Variants in PPRC1 observed in about 807,000 individuals in gnomAD.
The protein encoded by PPRC1 is peroxisome proliferator-activated receptor gamma coactivator-related protein 1.
Under a neutral mutation model 132.5 loss-of-function variants are expected in PPRC1, and 23 were observed. The observed-to-expected ratio is 0.17, with a 90% CI of 0.12 to 0.25. The LOEUF (loss-of-function observed/expected upper bound fraction) is 0.25, where lower values mean the gene tolerates loss of function less well. Among genes scored for constraint, PPRC1 ranks in the 10% least tolerant of loss-of-function variants. The pLI is 1.00. For synonymous variants in PPRC1, 872 were observed against 833.5 expected (o/e 1.05, Z -0.80); for missense variants, 2,006 against 2,089.1 (o/e 0.96, Z 0.78).
the PPRC1 span, among the ~76,000 whole-genome samples, chr10:102,124,307 C>T: frequency 6.6e-6 from 1 of 151,782 alleles, no homozygotes; most frequent in Non-Finnish European, 1.5e-5. Flanking sequence ...TTGTGATCTG[C>T]CTGCCTTGGC....
chr10:102,134,656 T>C (rs1447158781), intron 1 of PPRC1, among the ~76,000 whole-genome samples: 2 of 152,156 alleles, frequency 1.3e-5, no homozygotes, highest in Non-Finnish European at 2.9e-5. Context: ...GCTGATCCCT[T>C]CTCCCCTACT....
the PPRC1 span, among the ~76,000 whole-genome samples, chr10:102,122,466 T>TC: frequency 2.0e-4 from 31 of 151,246 alleles, no homozygotes; most frequent in South Asian, 1.0e-3. Context: ...TCTGCCCTTT[T>TC]TTTTTTTTTT....
intron 1 of PPRC1, among the ~76,000 whole-genome samples, chr10:102,134,803 A>G (rs1297048156): frequency 6.6e-6 from 1 of 152,198 alleles, no homozygotes; most frequent in Non-Finnish European, 1.5e-5. Context: ...AGTCAGAGAC[A>G]CACCCTCACA....
Position 102,139,756 on chromosome 10 carries a change from G to A in PPRC1, c.1248G>A (p.Leu416=), listed in dbSNP as rs1428507571. The part of the protein sequence containing the change: ...TLCSEKEGLS[L]NSEEKLDSAC... ...GCTCTGAGAAAGAGGGGTTGTCATT[G>A]AACTCAGAGGAGAAGCTGGACTCAG... The change falls in exon 5 of 14, where the codon TTG becomes TTA. Residue 416 remains leucine (L), a synonymous_variant. Transcript: ENST00000278070. 6.2e-7 allele frequency: 1 copy of A among 1,614,174 alleles called. No homozygotes were observed. The highest frequency in any genetic ancestry group is 8.5e-7 in the Non-Finnish European group (1 of 1,180,038).
chr10:102,144,967 A>T, intron 7 of PPRC1, 53 bp from the exon 8 acceptor site: 1 of 1,404,288 alleles, frequency 7.1e-7, no homozygotes, highest in Non-Finnish European at 9.8e-7. Flanking sequence ...AGGCAAATGT[A>T]TAAGATATTG....
At position 102,141,208 on chromosome 10, in the gene PPRC1, T is replaced by G. The variant is rs1344512644; in HGVS notation, c.2700T>G (p.Pro900=). The change falls in exon 5 of 14, where the codon CCT becomes CCG. Residue 900 remains proline, a synonymous_variant. Transcript: ENST00000278070. ...PSLPPPPLQP[P]SLPLSMGPVL... ...TGCCCCCACCTCCCTTGCAGCCTCC[T>G]AGTCTTCCATTGTCTATGGGGCCAG... is the stretch of plus-strand genomic sequence containing the variant. 9.9e-6 allele frequency: 16 copies of G among 1,613,674 alleles called. No homozygotes were observed. The highest frequency in any genetic ancestry group is 1.3e-5 in the Non-Finnish European group (15 of 1,179,872).
At chr10:102,134,000 A>G (rs1387037386) in intron 1 of PPRC1, among the ~76,000 whole-genome samples, 1 of 151,636 alleles carries the variant, frequency 6.6e-6, no homozygotes, top group Non-Finnish European at 1.5e-5. Context: ...TGGGGAGGGT[A>G]GAGGGCTGAG....
intron 1 of PPRC1, among the ~76,000 whole-genome samples, chr10:102,135,221 C>T (rs2068677947): frequency 6.6e-6 from 1 of 152,084 alleles, no homozygotes; most frequent in Non-Finnish European, 1.5e-5. Flanking sequence ...TGTGGAAAAC[C>T]TTTAATCAGG....
At chr10:102,121,095 G>A in the PPRC1 span, among the ~76,000 whole-genome samples, 1 of 152,134 alleles carries the variant, frequency 6.6e-6, no homozygotes, top group Non-Finnish European at 1.5e-5. Flanking sequence ...AATTAAGTGG[G>A]GTCCCCGCCC....
rs752576943 is a variant in PPRC1, at chr10:102,137,909, A to G, written c.213A>G (p.Pro71=). The G allele has an allele frequency of 1.4e-5, 23 of 1,613,992 alleles. No individual in the cohort carries two copies. Among genetic ancestry groups the G allele is most frequent in the Non-Finnish European group, 1.9e-5 (23 of 1,180,034 alleles). The change falls in exon 2 of 14, where the codon CCA becomes CCG. Residue 71 remains proline (P), a synonymous_variant. Transcript: ENST00000278070. ...SGFVSLSRLG[P]SLRDKDLEME... is the part of the protein sequence containing the mutation. ...TTGTCAGTCTCTCTCGGCTGGGCCC[A>G]TCTCTGAGGGACAAGGACCTGGAAA...
At chr10:102,147,448 T>G in intron 9 of PPRC1, 56 bp downstream of exon 9, 1 of 1,515,806 alleles carries the variant, frequency 6.6e-7, no homozygotes, top group African/African-American at 1.4e-5. Flanking sequence ...CGTACTTCTG[T>G]GGTTTACTTT....
At chr10:102,139,071 C>A (rs2133629225) in intron 4 of PPRC1, 29 bp from the exon 5 acceptor site, 2 of 1,607,340 alleles carry the variant, frequency 1.2e-6, no homozygotes, top group East Asian at 2.2e-5. Flanking sequence ...AAAGAAAACT[C>A]CTCCTGAGAC....
rs1789405773 is a variant in PPRC1, at chr10:102,141,657, C to T, written c.3149C>T (p.Thr1050Ile). The T allele has an allele frequency of 6.2e-7, 1 of 1,614,140 alleles. No individual in the cohort carries two copies. The highest frequency in any genetic ancestry group is 8.5e-7 in the Non-Finnish European group (1 of 1,180,008). The change falls in exon 5 of 14, where the codon ACA (threonine) becomes ATA (isoleucine). Residue 1050 changes from threonine (T) to isoleucine (I), a missense_variant. Transcript: ENST00000278070. ...CTACCTGGCCATGGAGCTCCTCAGA[C>T]AGAGCCTACCAAGGTGGAGGTCAAG... ...LGLPGHGAPQ[T>I]EPTKVEVKPV...
At chr10:102,129,711 C>G (rs889776977), upstream of PPRC1, among the ~76,000 whole-genome samples, 3 of 152,144 alleles carry the variant, frequency 2.0e-5, no homozygotes, top group Admixed American at 2.0e-4. Flanking sequence ...TCAAGCGATT[C>G]TCCCTGCCTC....
Position 102,139,854 on chromosome 10 carries a change from C to T in PPRC1, c.1346C>T (p.Ala449Val), listed in dbSNP as rs2068877265. Residue 449 changes from alanine to valine, a missense_variant, in exon 5 of 14, where the codon GCA becomes GTA. Coordinates refer to ENST00000278070, the MANE Select transcript of PPRC1 (RefSeq NM_015062.5). ...PKEPQNPPAN[A>V]APGSQRARKG... is the part of the protein sequence containing the mutation. ...GAGCCTCAGAACCCACCTGCCAATG[C>T]AGCACCAGGTTCCCAGAGAGCTCGA... 6.2e-7 allele frequency: 1 copy of T among 1,614,206 alleles called. No individual in the cohort carries two copies. The highest frequency in any genetic ancestry group is 1.3e-5 in the African/African-American group (1 of 75,054).
intron 6 of PPRC1, among the ~76,000 whole-genome samples, chr10:102,143,307 A>C (rs2069077585): frequency 1.3e-5 from 2 of 152,124 alleles, no homozygotes; most frequent in South Asian, 4.1e-4. Flanking sequence ...TAAAGAGTAG[A>C]CTGGGAATCC....
intron 7 of PPRC1, chr10:102,144,529 C>A (rs1004207372): frequency 3.4e-6 from 2 of 580,378 alleles, no homozygotes; most frequent in South Asian, 2.1e-5. Context: ...TGATTCCAGT[C>A]GGGCTCCAAA....
chr10:102,135,989 C>A (rs1349659802), intron 1 of PPRC1, among the ~76,000 whole-genome samples: 1 of 151,986 alleles, frequency 6.6e-6, no homozygotes, highest in Non-Finnish European at 1.5e-5. Flanking sequence ...GACTGGACAC[C>A]TGATGGAGGT....
rs1187843447 is a variant in PPRC1, at chr10:102,138,931, C to A, written c.542C>A (p.Thr181Asn). The A allele has an allele frequency of 1.2e-6, 2 of 1,614,058 alleles. No individual in the cohort carries two copies. Among genetic ancestry groups the A allele is most frequent in the African/African-American group, 2.7e-5 (2 of 74,928 alleles). The change falls in exon 4 of 14, where the codon ACC (threonine) becomes AAC (asparagine). Residue 181 changes from threonine to asparagine, a missense_variant. Transcript: ENST00000278070. ...SRTPPERDLI[T>N]PVDPLGPSTG... ...ACACCCCCAGAACGTGACCTCATCA[C>A]CCCAGTTGACCCACTGGGGCCCAGT...
Sources: allele counts gnomAD v4.1 joint callset (sites outside exome capture counted in the v4.1 genomes callset), GRCh38; gene constraint gnomAD v4.1.1; transcripts MANE v1.5; gene names NCBI Gene and HGNC (gene_info 2026-07-23, HGNC 2026-07-21).